Variants in PARD3 observed in about 807,000 individuals in gnomAD.
PARD3 encodes the protein par-3 family cell polarity regulator.
PARD3 carries 75 observed loss-of-function variants against 155.4 expected under a neutral mutation model. The observed-to-expected ratio is 0.48, with a 90% CI of 0.40 to 0.58. The LOEUF is 0.58. Among genes scored for constraint, PARD3 ranks in the 20% least tolerant of loss-of-function variants. PARD3 has a pLI of 0.00. For synonymous variants in PARD3, 576 were observed against 610.5 expected (o/e 0.94, Z 0.83); for missense variants, 1,642 against 1,721.7 (o/e 0.95, Z 0.82).
intron 1 of PARD3, among the ~76,000 whole-genome samples, chr10:34,813,012 A>G (rs902824601): frequency 3.9e-5 from 6 of 152,134 alleles, no homozygotes; most frequent in African/African-American, 1.4e-4. Context: ...AGGACCCCGC[A>G]GCCTCTTGCT....
At chr10:34,508,258 C>T (rs2081202693) in intron 3 of PARD3, among the ~76,000 whole-genome samples, 1 of 151,924 alleles carries the variant, frequency 6.6e-6, no homozygotes, top group Non-Finnish European at 1.5e-5. Context: ...ATTAACATAG[C>T]TAATAAAAAG....
intron 22 of PARD3, among the ~76,000 whole-genome samples, chr10:34,168,087 G>A (rs1219696455): frequency 2.0e-5 from 3 of 152,138 alleles, no homozygotes; most frequent in African/African-American, 4.8e-5. Context: ...TTAATGAAAA[G>A]GCTGAATATT....
At chr10:34,205,065 AAAC>A (rs1186625435) in intron 22 of PARD3, among the ~76,000 whole-genome samples, 5 of 152,214 alleles carry the variant, frequency 3.3e-5, no homozygotes, top group African/African-American at 7.2e-5. Flanking sequence ...AAAAGTTGGA[AAAC>A]AACACACTGT....
chr10:34,803,687 C>T (rs1017046822), intron 1 of PARD3, among the ~76,000 whole-genome samples: 2 of 151,940 alleles, frequency 1.3e-5, no homozygotes, highest in African/African-American at 2.4e-5. Context: ...CCTATAATCC[C>T]AGCTACTTGG....
intron 22 of PARD3, among the ~76,000 whole-genome samples, chr10:34,239,207 T>G (rs1007426770): frequency 6.6e-6 from 1 of 152,358 alleles, no homozygotes; most frequent in South Asian, 2.1e-4. Context: ...AGGCCATTTC[T>G]TTAATCTAAC....
chr10:34,526,081 A>AAC (rs1491156398), intron 2 of PARD3, among the ~76,000 whole-genome samples: 7 of 34,130 alleles, frequency 2.1e-4, no homozygotes, highest in African/African-American at 4.8e-4. Context: ...ACTCCGTATC[A>AAC]AAAAAAAAAA....
chr10:34,557,394 T>C (rs2099450309), intron 2 of PARD3, among the ~76,000 whole-genome samples: 2 of 152,086 alleles, frequency 1.3e-5, no homozygotes, highest in South Asian at 4.2e-4. Context: ...CCCAGCATTT[T>C]GGGAGGCCAA....
chr10:34,437,908 A>C (rs1439134892), intron 5 of PARD3, among the ~76,000 whole-genome samples: 1 of 152,240 alleles, frequency 6.6e-6, no homozygotes, highest in Admixed American at 6.5e-5. Flanking sequence ...TATTTAATTA[A>C]ATACTTTTAG....
At chr10:34,220,208 A>G (rs575230438) in intron 22 of PARD3, among the ~76,000 whole-genome samples, 1 of 152,170 alleles carries the variant, frequency 6.6e-6, no homozygotes, top group African/African-American at 2.4e-5. Flanking sequence ...AAATGAAAAA[A>G]TCTTTAAAGC....
chr10:34,709,322 C>A (rs189108097), intron 1 of PARD3, among the ~76,000 whole-genome samples: 7 of 152,248 alleles, frequency 4.6e-5, no homozygotes, highest in Non-Finnish European at 8.8e-5. Flanking sequence ...GTGGAATTTT[C>A]CACTTGTGGT....
intron 21 of PARD3, among the ~76,000 whole-genome samples, chr10:34,272,509 T>C (rs1037334759): frequency 1.3e-5 from 2 of 152,128 alleles, no homozygotes; most frequent in African/African-American, 4.8e-5. Flanking sequence ...GGGGGCGTGC[T>C]GCTTGAGCCC....
chr10:34,242,262 G>T (rs1953652956), intron 22 of PARD3, among the ~76,000 whole-genome samples: 1 of 151,892 alleles, frequency 6.6e-6, no homozygotes, highest in Admixed American at 6.6e-5. Flanking sequence ...TTTTTTAATT[G>T]GTATGATCAT....
rs5784403 is a variant in PARD3 at position 34,245,576 on chromosome 10, GAAACA to G, written c.3419+24076_3419+24080del. Among the ~76,000 whole-genome samples the G allele has an allele frequency of 7.6e-3, 1,125 of 148,272 alleles. 12 individuals are homozygous for G. The highest frequency in any genetic ancestry group is 0.032 in the South Asian group (148 of 4,562). ...GCCAGACAAGGGGTAATACATCCCT[GAAACA>G]AAACAAAACAAAACAAAACAAAACA... On this transcript the variant is annotated intron_variant, in intron 22 of 24. Transcript: ENST00000374788.
At chr10:34,574,236 TCATTA>T (rs2086710080) in intron 2 of PARD3, among the ~76,000 whole-genome samples, 1 of 152,220 alleles carries the variant, frequency 6.6e-6, no homozygotes, top group Non-Finnish European at 1.5e-5. Flanking sequence ...GGGTTAAAAA[TCATTA>T]CTTTAAACAA....
chr10:34,564,766 G>C (rs2085788365), intron 2 of PARD3, among the ~76,000 whole-genome samples: 1 of 152,152 alleles, frequency 6.6e-6, no homozygotes, highest in Non-Finnish European at 1.5e-5. Context: ...TAGACACTTA[G>C]GATGTTCTTG....
At chr10:34,265,173 C>T (rs1036115369) in intron 22 of PARD3, among the ~76,000 whole-genome samples, 3 of 152,174 alleles carry the variant, frequency 2.0e-5, no homozygotes, top group Non-Finnish European at 4.4e-5. Context: ...CACTAATAAA[C>T]AGTAGTAACA....
chr10:34,777,814 G>T (rs1839775638), intron 1 of PARD3, among the ~76,000 whole-genome samples: 1 of 151,964 alleles, frequency 6.6e-6, no homozygotes, highest in African/African-American at 2.4e-5. Flanking sequence ...TTACAGGTGT[G>T]AGCCACCTCA....
intron 20 of PARD3, among the ~76,000 whole-genome samples, chr10:34,311,340 T>C (rs1957687329): frequency 6.6e-6 from 1 of 152,182 alleles, no homozygotes; most frequent in Non-Finnish European, 1.5e-5. Context: ...GTGCCTGGAA[T>C]TACAGGTGTG....
intron 14 of PARD3, among the ~76,000 whole-genome samples, chr10:34,353,252 G>A (rs572637890): frequency 3.0e-4 from 46 of 152,358 alleles, no homozygotes; most frequent in African/African-American, 1.1e-3. Flanking sequence ...CCATGATGAC[G>A]ATAGCAGTTT....
Sources: allele counts gnomAD v4.1 joint callset (sites outside exome capture counted in the v4.1 genomes callset), GRCh38; gene constraint gnomAD v4.1.1; transcripts MANE v1.5; gene names NCBI Gene and HGNC (gene_info 2026-07-23, HGNC 2026-07-21).